The following NEK3 variants were observed in gnomAD, a reference collection of about 807,000 sequenced individuals.
NEK3 encodes the protein NIMA related kinase 3, also known as serine/threonine-protein kinase Nek3.
Under a neutral mutation model 66.0 loss-of-function variants are expected in NEK3, and 54 were observed. The observed-to-expected ratio is 0.82, with a 90% CI of 0.66 to 1.03. NEK3 has a LOEUF of 1.03. Among genes scored for constraint, NEK3 ranks in the 50% least tolerant of loss-of-function variants. The pLI, the probability that NEK3 is intolerant of heterozygous loss-of-function variation, is 0.00. For synonymous variants in NEK3, 200 were observed against 206.2 expected, an observed-to-expected ratio of 0.97 and a Z score of 0.26; for missense variants, 593 against 603.0, an observed-to-expected ratio of 0.98 and a Z score of 0.17.
chr13:52,140,068 A>G (rs1476747575), intron 11 of NEK3, among the ~76,000 whole-genome samples: 2 of 149,712 alleles, frequency 1.3e-5, no homozygotes, highest in Non-Finnish European at 3.0e-5. Flanking sequence ...AAAAAAAAAA[A>G]GCTAGGCATG....
intron 11 of NEK3, 118 bp downstream of exon 11, chr13:52,140,902 G>A (rs1360517832): frequency 7.3e-6 from 5 of 685,838 alleles, no homozygotes; most frequent in South Asian, 4.8e-5. Flanking sequence ...TGCAACCTCC[G>A]CCTCCAGGTT....
At chr13:52,156,333 T>TAA in intron 1 of NEK3, 85 bp from the exon 2 acceptor site, 1 of 588,848 alleles carries the variant, frequency 1.7e-6, no homozygotes, top group Non-Finnish European at 3.0e-6. Flanking sequence ...ATAACCATGA[T>TAA]AAGAGAAAAG....
intron 8 of NEK3, 192 bp downstream of exon 8, chr13:52,148,223 C>T (rs1018515358): frequency 2.2e-6 from 1 of 452,632 alleles, no homozygotes; most frequent in African/African-American, 1.9e-5. Context: ...CACAGCCAAA[C>T]TGAATAATGG....
rs768685781 is a variant in NEK3 at position 52,136,219 on chromosome 13, A to G, written c.1071T>C (p.Asn357=). ...SVHLRKASSP[N]LHRRQWEKNV... Reference sequence around the variant, plus strand: ...TTTTCTCCCACTGTCGTCTATGAAGATTTGGTGAACTGGCTTTCCTCAGAT... The same window carrying G: ...TTTTCTCCCACTGTCGTCTATGAAGGTTTGGTGAACTGGCTTTCCTCAGAT... The change falls in exon 13 of 16, where the codon AAT becomes AAC. Residue 357 remains asparagine (N), a synonymous_variant. Coordinates refer to ENST00000610828, the MANE Select transcript of NEK3 (RefSeq NM_002498.3). 4.3e-6 allele frequency: 7 copies of G among 1,613,806 alleles called. No individual in the cohort carries two copies. The highest frequency in any genetic ancestry group is 5.9e-6 in the Non-Finnish European group (7 of 1,179,738).
Position 52,135,722 on chromosome 13 carries a change from G to T in NEK3, c.1309+7C>A, listed in dbSNP as rs1471371658. 3 of 1,603,984 alleles carry T rather than the reference G, an allele frequency of 1.9e-6. No individual in the cohort carries two copies. On this transcript the variant is annotated splice_region_variant and intron_variant, in intron 14 of 15. Coordinates refer to ENST00000610828, the MANE Select transcript of NEK3 (RefSeq NM_002498.3). ...GGTTTCCAAGGTCACATACAGACAT[G>T]AATTACCTGGTCTATATATTGTGTA...
intron 8 of NEK3, among the ~76,000 whole-genome samples, chr13:52,145,257 C>T (rs1956284756): frequency 6.6e-6 from 1 of 152,048 alleles, no homozygotes; most frequent in Non-Finnish European, 1.5e-5. Context: ...AGTGTAATAT[C>T]CCTTTGCTCC....
chr13:52,133,693 C>G lies in NEK3; in HGVS notation c.1432G>C (p.Asp478His). 7 of 1,553,298 alleles carry G rather than the reference C, an allele frequency of 4.5e-6. No individual in the cohort carries two copies. The highest frequency in any genetic ancestry group is 1.4e-5 in the African/African-American group (1 of 73,184). Residue 478 changes from aspartate to histidine, a missense_variant, in exon 15 of 16, where the codon GAC (aspartate) becomes CAC (histidine). Coordinates refer to ENST00000610828, the MANE Select transcript of NEK3 (RefSeq NM_002498.3). Reference protein sequence around the residue: ...ERLEPGLDEEDTDFEEEDDNP... With the variant: ...ERLEPGLDEEHTDFEEEDDNP... ...TCTATGCATATCACAACGTACGTGT[C>G]CTCCTCATCTAGCCCAGGCTCAAGT...
In NEK3 at chr13:52,154,314, A is replaced by G. The variant is rs888591321; in HGVS notation, c.118-141T>C. Reference sequence around the variant, plus strand: ...TGGCTCAACTTAAGTTTGTCAAATGACAAGAGAAAATGCATGTTGATTTTT... The same window carrying G: ...TGGCTCAACTTAAGTTTGTCAAATGGCAAGAGAAAATGCATGTTGATTTTT... On this transcript the variant is annotated intron_variant, in intron 2 of 15. Coordinates refer to ENST00000610828, the MANE Select transcript of NEK3 (RefSeq NM_002498.3). 3 of 543,640 alleles carry G rather than the reference A, an allele frequency of 5.5e-6. No homozygotes were observed. The African/African-American group carries it at 5.7e-5, about 10-fold the overall frequency. 33.7% of individuals were successfully genotyped at this position (543,640 alleles called of 1,614,324 possible). A position where few individuals can be genotyped will look rare whatever the true frequency, so the allele number is the denominator to read the frequency against.
chr13:52,147,391 T>C (rs1051097294), intron 8 of NEK3, among the ~76,000 whole-genome samples: 18 of 152,098 alleles, frequency 1.2e-4, no homozygotes, highest in African/African-American at 3.9e-4. Context: ...CCTCAACAGA[T>C]GAATGGATAA....
At chr13:52,139,653 C>T (rs1196163680) in intron 11 of NEK3, among the ~76,000 whole-genome samples, 1 of 152,010 alleles carries the variant, frequency 6.6e-6, no homozygotes, top group African/African-American at 2.4e-5. Flanking sequence ...AATCCTAGCA[C>T]TTTGGGAGGC....
At chr13:52,133,928 T>A (rs1323228893) in intron 14 of NEK3, 113 bp from the exon 15 acceptor site, 8 of 1,102,238 alleles carry the variant, frequency 7.3e-6, no homozygotes, top group African/African-American at 1.6e-5. Flanking sequence ...CCATGTCCCA[T>A]AACTCTTTTG....
At chr13:52,135,928 A>G (rs1956201633) in intron 13 of NEK3, 65 bp from the exon 14 acceptor site, 1 of 1,552,922 alleles carries the variant, frequency 6.4e-7, no homozygotes, top group South Asian at 1.2e-5. Context: ...TACTTTCCAG[A>G]TCATATTTTC....
chr13:52,147,797 A>T (rs1435788901), intron 8 of NEK3, among the ~76,000 whole-genome samples: 7 of 152,058 alleles, frequency 4.6e-5, no homozygotes, highest in Non-Finnish European at 1.5e-5. Context: ...CATGGGGGAA[A>T]ATACAAAAAA....
Position 52,135,787 on chromosome 13 carries a change from G to C in NEK3, c.1251C>G (p.Asn417Lys). ...AGCTGAGATCAGCATTCTTAAGGAT[G>C]TTCAACAAAGTGTCAGGGGTCTCTT... ...WLKETPDTLL[N>K]ILKNADLSLA... The change falls in exon 14 of 16, where the codon AAC becomes AAG. Residue 417 changes from asparagine to lysine, a missense_variant. Asn to Lys is a moderately conservative substitution (Grantham distance 94). Coordinates refer to ENST00000610828, the MANE Select transcript of NEK3 (RefSeq NM_002498.3). 2 of 1,613,642 alleles carry C rather than the reference G, an allele frequency of 1.2e-6. No individual in the cohort carries two copies. Among genetic ancestry groups the C allele is most frequent in the Non-Finnish European group, 8.5e-7 (1 of 1,179,642 alleles).
chr13:52,146,272 A>AT lies in NEK3; in HGVS notation c.604-1382dup, dbSNP rs150230521. Among the ~76,000 whole-genome samples, 921 of 152,316 alleles carry AT rather than the reference A, an allele frequency of 6.0e-3. 11 individuals are homozygous for AT. Among genetic ancestry groups the AT allele is most frequent in the African/African-American group, 0.021 (877 of 41,574 alleles). ...AAGAAGTTTATTTTTTAAAAAGTGT[A>AT]TTGTCCTATGAATATAAAATGTAAG... On this transcript the variant is annotated intron_variant, in intron 8 of 15. Transcript: ENST00000610828.
chr13:52,150,934 T>C (rs982818043), intron 7 of NEK3, among the ~76,000 whole-genome samples: 2 of 152,246 alleles, frequency 1.3e-5, no homozygotes, highest in East Asian at 1.9e-4. Flanking sequence ...CTATAATTAA[T>C]AGCAATTGGA....
chr13:52,147,893 G>A (rs746511021), intron 8 of NEK3, among the ~76,000 whole-genome samples: 1 of 152,170 alleles, frequency 6.6e-6, no homozygotes, highest in African/African-American at 2.4e-5. Flanking sequence ...CTACTTGGGA[G>A]GCTGAGGCAG....
In NEK3 at chr13:52,135,771, C is replaced by T; in HGVS notation, c.1267G>A (p.Asp423Asn). The change falls in exon 14 of 16, where the codon GAT becomes AAT. Residue 423 changes from aspartate to asparagine, a missense_variant. Coordinates refer to ENST00000610828, the MANE Select transcript of NEK3 (RefSeq NM_002498.3). ...TATGTTTGAAAAGCCAAGCTGAGATCAGCATTCTTAAGGATGTTCAACAAA... is the reference window on the plus strand; with the variant it reads ...TATGTTTGAAAAGCCAAGCTGAGATTAGCATTCTTAAGGATGTTCAACAAA... ...DTLLNILKNA[D>N]LSLAFQTYTI... 2.5e-6 allele frequency: 4 copies of T among 1,613,594 alleles called. No homozygotes were observed. The highest frequency in any genetic ancestry group is 3.4e-6 in the Non-Finnish European group (4 of 1,179,654).
At chr13:52,154,623 A>T (rs1956376630) in intron 2 of NEK3, among the ~76,000 whole-genome samples, 1 of 151,930 alleles carries the variant, frequency 6.6e-6, no homozygotes, top group Non-Finnish European at 1.5e-5. Flanking sequence ...ACTGGTCCAG[A>T]TAAAAAAAGA....
Sources: gnomAD v4.1 joint callset for allele counts (sites outside exome capture counted in the v4.1 genomes callset) on GRCh38, gnomAD v4.1.1 for gene constraint, MANE v1.5 for transcripts, NCBI Gene and HGNC (gene_info 2026-07-23, HGNC 2026-07-21) for gene names.